Variants in CPQ observed in about 807,000 individuals in gnomAD.
CPQ encodes the protein Ser-Met dipeptidase.
CPQ carries 37 observed loss-of-function variants against 45.7 expected under a neutral mutation model. The ratio of observed to expected loss-of-function variants is 0.81; its 90% confidence interval spans 0.62 to 1.07. The LOEUF (loss-of-function observed/expected upper bound fraction) is 1.07. CPQ is among the 50% of genes least tolerant of loss of function. The probability of loss-of-function intolerance (pLI) is 0.00; values close to 1 mark genes in which losing one functional copy is unlikely to be tolerated. For synonymous variants in CPQ, 186 were observed against 205.8 expected (o/e 0.90, Z 0.82); for missense variants, 537 against 572.9 (o/e 0.94, Z 0.64).
chr8:96,885,585 G>A (rs111682278), intron 4 of CPQ, among the ~76,000 whole-genome samples: 2 of 152,206 alleles, frequency 1.3e-5, no homozygotes, highest in African/African-American at 4.8e-5. Context: ...TGGGCAAAAT[G>A]TGGTAAATAT....
At chr8:96,982,429 C>T (rs1249297961) in intron 5 of CPQ, among the ~76,000 whole-genome samples, 1 of 152,122 alleles carries the variant, frequency 6.6e-6, no homozygotes, top group Non-Finnish European at 1.5e-5. Flanking sequence ...GCCTCAAATT[C>T]CCTGGCTCAA....
At chr8:96,828,560 TA>T (rs1467555073) in intron 2 of CPQ, among the ~76,000 whole-genome samples, 1 of 151,982 alleles carries the variant, frequency 6.6e-6, no homozygotes, top group East Asian at 1.9e-4. Flanking sequence ...CTCACCTCCA[TA>T]TCCCACCCAT....
At chr8:97,020,979 T>C (rs1245135037) in intron 5 of CPQ, among the ~76,000 whole-genome samples, 2 of 152,098 alleles carry the variant, frequency 1.3e-5, no homozygotes, top group African/African-American at 4.8e-5. Context: ...CTTAATAAAA[T>C]ACTAGCTAAC....
At chr8:96,978,706 G>T (rs1021288242) in intron 5 of CPQ, among the ~76,000 whole-genome samples, 1 of 152,096 alleles carries the variant, frequency 6.6e-6, no homozygotes, top group African/African-American at 2.4e-5. Flanking sequence ...TTAAGAAATT[G>T]GTATCATTTA....
At chr8:96,825,861 G>A (rs1490829320) in intron 2 of CPQ, among the ~76,000 whole-genome samples, 1 of 151,982 alleles carries the variant, frequency 6.6e-6, no homozygotes, top group Non-Finnish European at 1.5e-5. Flanking sequence ...TTTTCATAGA[G>A]TTATTTTAGC....
intron 7 of CPQ, among the ~76,000 whole-genome samples, chr8:97,109,124 C>A (rs1018738360): frequency 2.0e-5 from 3 of 152,186 alleles, no homozygotes; most frequent in African/African-American, 7.2e-5. Flanking sequence ...GACTTCCAGA[C>A]CCTTGACCCT....
rs532017150 is a variant in CPQ, at chr8:96,695,102, A to G, written c.-35+49700A>G. 1.6e-4 allele frequency among the ~76,000 whole-genome samples: 24 copies of G among 150,696 alleles called. 1 individual carries two copies. The South Asian group carries it at 4.8e-3, about 30-fold the overall frequency. ...GGTACCAAAACAGAGATATAGATCA[A>G]TGGAACAGAACAGAGCCCTCAGAAA... On this transcript the variant is annotated intron_variant, in intron 1 of 7. Transcript: ENST00000220763.
chr8:97,119,564 A>G (rs1455890485), intron 7 of CPQ, among the ~76,000 whole-genome samples: 1 of 152,172 alleles, frequency 6.6e-6, no homozygotes, highest in East Asian at 1.9e-4. Flanking sequence ...GATGATTTAA[A>G]TTCAAAGTAT....
intron 5 of CPQ, among the ~76,000 whole-genome samples, chr8:97,014,641 CAAAAA>C (rs368425080): frequency 1.2e-4 from 7 of 58,610 alleles, no homozygotes; most frequent in Non-Finnish European, 2.2e-4. Flanking sequence ...GACTCCATCT[CAAAAA>C]AAAAAAAAAA....
chr8:96,847,941 G>A (rs1336028822), intron 3 of CPQ, among the ~76,000 whole-genome samples: 2 of 128,642 alleles, frequency 1.6e-5, no homozygotes, highest in African/African-American at 5.9e-5. Context: ...CTCAATATAG[G>A]TTTGCAGAGG....
intron 3 of CPQ, among the ~76,000 whole-genome samples, chr8:96,877,887 A>G (rs1363150224): frequency 6.6e-6 from 1 of 152,234 alleles, no homozygotes; most frequent in Non-Finnish European, 1.5e-5. Flanking sequence ...GGGTCTCTGT[A>G]TTCCAAGTTC....
intron 1 of CPQ, among the ~76,000 whole-genome samples, chr8:96,714,035 G>A (rs1199764404): frequency 1.3e-5 from 2 of 152,144 alleles, no homozygotes; most frequent in Non-Finnish European, 2.9e-5. Context: ...TCCTTTATAA[G>A]TTTTCTGATA....
chr8:97,065,909 C>G, intron 6 of CPQ, 100 bp from the exon 7 acceptor site: 1 of 1,160,366 alleles, frequency 8.6e-7, no homozygotes, highest in South Asian at 1.3e-5. Flanking sequence ...TTGGCACAGC[C>G]GTAAGGAGGT....
intron 6 of CPQ, among the ~76,000 whole-genome samples, chr8:97,049,676 T>A (rs1332336608): frequency 6.6e-6 from 1 of 152,160 alleles, no homozygotes; most frequent in Non-Finnish European, 1.5e-5. Flanking sequence ...TTAATACAAA[T>A]TTTCAGGAAA....
intron 3 of CPQ, among the ~76,000 whole-genome samples, chr8:96,837,702 C>T (rs1028578573): frequency 5.3e-5 from 8 of 152,186 alleles, no homozygotes; most frequent in African/African-American, 1.7e-4. Flanking sequence ...CTGCCGCCAG[C>T]TCTAGGCCTA....
chr8:96,777,737 TATATATATATATATATATATATA>T (rs1450399732), intron 1 of CPQ, among the ~76,000 whole-genome samples: 2 of 7,536 alleles, frequency 2.7e-4, no homozygotes, highest in African/African-American at 4.6e-4. Flanking sequence ...TATATATATA[TATATATATATATATATATATATA>T]TTTTTTTTTT....
chr8:96,981,065 T>A (rs1297270224), intron 5 of CPQ, among the ~76,000 whole-genome samples: 1 of 152,134 alleles, frequency 6.6e-6, no homozygotes, highest in African/African-American at 2.4e-5. Context: ...ACAAAATAAG[T>A]TGTTTGAGAT....
chr8:96,702,026 C>T (rs181839228), intron 1 of CPQ, among the ~76,000 whole-genome samples: 1 of 152,314 alleles, frequency 6.6e-6, no homozygotes, highest in East Asian at 1.9e-4. Context: ...CACTTTGTCT[C>T]AAGCTTCCCT....
chr8:97,094,307 A>C (rs974627060), intron 7 of CPQ, among the ~76,000 whole-genome samples: 1 of 152,164 alleles, frequency 6.6e-6, no homozygotes, highest in African/African-American at 2.4e-5. Context: ...GAAAATCTCA[A>C]ATGATTTGCA....
Sources: gnomAD v4.1 joint callset for allele counts (sites outside exome capture counted in the v4.1 genomes callset) on GRCh38, gnomAD v4.1.1 for gene constraint, MANE v1.5 for transcripts, NCBI Gene and HGNC (gene_info 2026-07-23, HGNC 2026-07-21) for gene names.